NEGR1: variants seen among roughly 807,000 people sequenced by gnomAD.
The protein encoded by NEGR1 is neuronal growth regulator 1, also known as IgLON family member 4.
Under a neutral mutation model 40.9 loss-of-function variants are expected in NEGR1, and 10 were observed. The observed-to-expected ratio is 0.24, with a 90% CI of 0.15 to 0.42. The LOEUF (loss-of-function observed/expected upper bound fraction) is 0.42, where lower values mean the gene tolerates loss of function less well. Among genes scored for constraint, NEGR1 ranks in the 10% least tolerant of loss-of-function variants. The probability of loss-of-function intolerance (pLI) is 1.00; values close to 1 mark genes in which losing one functional copy is unlikely to be tolerated. For missense variants in NEGR1, 352 were observed against 438.9 expected, an observed-to-expected ratio of 0.80 and a Z score of 1.77; for synonymous variants, 185 against 166.8, an observed-to-expected ratio of 1.11 and a Z score of -0.84.
chr1:71,993,392 T>C (rs917010251), intron 1 of NEGR1, among the ~76,000 whole-genome samples: 14 of 152,174 alleles, frequency 9.2e-5, no homozygotes, highest in African/African-American at 3.1e-4. Context: ...GCAGTGTAGG[T>C]AAGCCATTTA....
In NEGR1 at chr1:72,029,392, C is replaced by A. The variant is rs144047361; in HGVS notation, c.177-94081G>T. 2.7e-4 allele frequency among the ~76,000 whole-genome samples: 41 copies of A among 152,136 alleles called. 1 individual carries two copies. The East Asian group carries it at 7.4e-3, about 27-fold the overall frequency. Reference sequence around the variant, plus strand: ...ACCTCAGTATTGTTTTTATAATGATCAAGGTATAAGAAAAAGCAAGCAAGG... The same window carrying A: ...ACCTCAGTATTGTTTTTATAATGATAAAGGTATAAGAAAAAGCAAGCAAGG... On this transcript the variant is annotated intron_variant, in intron 1 of 6. Transcript: ENST00000357731.
chr1:71,644,797 G>A (rs893045581), intron 4 of NEGR1, among the ~76,000 whole-genome samples: 5 of 151,914 alleles, frequency 3.3e-5, no homozygotes, highest in South Asian at 2.1e-4. Flanking sequence ...TCTTCACTGG[G>A]ACCAGAAGCC....
intron 1 of NEGR1, among the ~76,000 whole-genome samples, chr1:72,207,073 T>C (rs1225920809): frequency 1.5e-5 from 2 of 134,488 alleles, no homozygotes; most frequent in Middle Eastern, 4.2e-3. Context: ...ATGTTTAGGA[T>C]GAAAAAAAAA....
chr1:71,765,514 A>C (rs1038108675), intron 3 of NEGR1, among the ~76,000 whole-genome samples: 1 of 152,080 alleles, frequency 6.6e-6, no homozygotes, highest in African/African-American at 2.4e-5. Flanking sequence ...GTTTGAGCCT[A>C]TTTATAATGA....
At chr1:72,078,571 G>T (rs1647848382) in intron 1 of NEGR1, among the ~76,000 whole-genome samples, 1 of 150,164 alleles carries the variant, frequency 6.7e-6, no homozygotes. Flanking sequence ...AACTGTCATT[G>T]CAAATTAAAA....
intron 1 of NEGR1, among the ~76,000 whole-genome samples, chr1:72,024,310 T>C (rs1646788112): frequency 6.6e-6 from 1 of 152,082 alleles, no homozygotes; most frequent in South Asian, 2.1e-4. Context: ...TCATGGTTTT[T>C]TTTTCTTAGT....
chr1:72,179,432 T>C (rs150093563), intron 1 of NEGR1, among the ~76,000 whole-genome samples: 39 of 152,206 alleles, frequency 2.6e-4, no homozygotes, highest in Non-Finnish European at 4.7e-4. Flanking sequence ...TGTTACATAG[T>C]ATTCTTGTGG....
intron 4 of NEGR1, among the ~76,000 whole-genome samples, chr1:71,618,454 A>T (rs1014091694): frequency 1.3e-5 from 2 of 152,066 alleles, no homozygotes; most frequent in African/African-American, 4.8e-5. Context: ...CATTTCCAAC[A>T]TCCTGTCTTT....
At chr1:71,991,857 T>G (rs747148731) in intron 1 of NEGR1, among the ~76,000 whole-genome samples, 7 of 152,130 alleles carry the variant, frequency 4.6e-5, no homozygotes, top group Non-Finnish European at 1.0e-4. Flanking sequence ...AGTGGCACGA[T>G]CTCGACTCAC....
intron 1 of NEGR1, among the ~76,000 whole-genome samples, chr1:71,945,678 G>A (rs2100260686): frequency 6.6e-6 from 1 of 152,094 alleles, no homozygotes; most frequent in Non-Finnish European, 1.5e-5. Flanking sequence ...ATTTTAAAAA[G>A]TTATAAAAGT....
At chr1:71,643,925 C>T (rs1181396898) in intron 4 of NEGR1, among the ~76,000 whole-genome samples, 1 of 151,998 alleles carries the variant, frequency 6.6e-6, no homozygotes, top group Non-Finnish European at 1.5e-5. Flanking sequence ...GTTTTTATTA[C>T]TTCTAGAAAG....
At position 71,935,196 on chromosome 1, in the gene NEGR1, T is replaced by C. The variant is rs372543475; in HGVS notation, c.292A>G (p.Lys98Glu). ...DPRVSISTLNKRDYSLQIQNV... is the reference protein window; with the variant it reads ...DPRVSISTLNERDYSLQIQNV... ...TGTATCTGGAGGCTGTAGTCCCTTT[T>C]ATTCAATGTTGAAATTGAAACTCGA... Residue 98 changes from lysine to glutamate, a missense_variant, in exon 2 of 7, where the codon AAA (lysine) becomes GAA (glutamate). Coordinates refer to ENST00000357731, the MANE Select transcript of NEGR1 (RefSeq NM_173808.3). 19 of 1,613,674 alleles carry C rather than the reference T, an allele frequency of 1.2e-5. No homozygotes were observed. The highest frequency in any genetic ancestry group is 1.1e-5 in the Non-Finnish European group (13 of 1,179,606).
intron 1 of NEGR1, among the ~76,000 whole-genome samples, chr1:71,950,824 T>C (rs1288614383): frequency 1.3e-5 from 2 of 152,002 alleles, no homozygotes; most frequent in Non-Finnish European, 2.9e-5. Context: ...AGGTCCTTAA[T>C]TCCTGACTCG....
chr1:71,809,582 C>G (rs935217774), intron 2 of NEGR1, among the ~76,000 whole-genome samples: 14 of 152,000 alleles, frequency 9.2e-5, no homozygotes, highest in Admixed American at 7.9e-4. Flanking sequence ...ATCTAAAAAT[C>G]CTTCACTTTT....
chr1:71,606,402 T>C lies in NEGR1; in HGVS notation c.788+4624A>G, dbSNP rs145477414. 5.9e-3 allele frequency among the ~76,000 whole-genome samples: 896 copies of C among 152,262 alleles called. 16 individuals carry two copies. Among genetic ancestry groups the C allele is most frequent in the African/African-American group, 0.021 (869 of 41,542 alleles). ...AGGTGACATCTTGACTGCAATCTTA[T>C]GAGAGACCCGGAGTGATAACCATCC... is the stretch of plus-strand genomic sequence containing the variant. On this transcript the variant is annotated intron_variant, in intron 5 of 6. Coordinates refer to ENST00000357731, the MANE Select transcript of NEGR1 (RefSeq NM_173808.3).
chr1:71,486,088 C>T (rs1646885916), intron 6 of NEGR1, among the ~76,000 whole-genome samples: 1 of 151,644 alleles, frequency 6.6e-6, no homozygotes, highest in African/African-American at 2.4e-5. Flanking sequence ...GTTCCTGTTG[C>T]TTCACATTCT....
At chr1:72,032,481 T>C (rs369503364) in intron 1 of NEGR1, among the ~76,000 whole-genome samples, 1 of 152,286 alleles carries the variant, frequency 6.6e-6, no homozygotes, top group South Asian at 2.1e-4. Flanking sequence ...TTCTTCAGCT[T>C]TTCTTACTCT....
intron 1 of NEGR1, among the ~76,000 whole-genome samples, chr1:72,056,511 T>C (rs999742848): frequency 2.9e-4 from 44 of 151,468 alleles, no homozygotes; most frequent in African/African-American, 9.6e-4. Flanking sequence ...GAATTGAAAT[T>C]AGAATAATCT....
In NEGR1 at chr1:72,210,775, T is replaced by C. The variant is rs191498620; in HGVS notation, c.176+71544A>G. On this transcript the variant is annotated intron_variant, in intron 1 of 6. Coordinates refer to ENST00000357731, the MANE Select transcript of NEGR1 (RefSeq NM_173808.3). ...AACCAGTATTTTCTAATTCAAATCA[T>C]ACATGGTGAAAGATGTATTCAAAGT... 2.5e-4 allele frequency among the ~76,000 whole-genome samples: 38 copies of C among 152,044 alleles called. No homozygotes were observed. The East Asian group carries it at 5.6e-3, about 22-fold the overall frequency.
Sources: allele counts gnomAD v4.1 joint callset (sites outside exome capture counted in the v4.1 genomes callset), GRCh38; gene constraint gnomAD v4.1.1; transcripts MANE v1.5; gene names NCBI Gene and HGNC (gene_info 2026-07-23, HGNC 2026-07-21).